Variants in SERPINA9 observed in about 807,000 individuals in gnomAD.
SERPINA9 encodes the protein serpin A9.
SERPINA9 carries 32 observed loss-of-function variants against 24.5 expected under a neutral mutation model. The ratio of observed to expected loss-of-function variants is 1.30; its 90% CI spans 0.98 to 1.75. The LOEUF (loss-of-function observed/expected upper bound fraction) is 1.75, where lower values mean the gene tolerates loss of function less well. Among genes scored for constraint, SERPINA9 ranks in the 40% most tolerant of loss-of-function variants. The pLI is 0.00. For missense variants in SERPINA9, 594 were observed against 497.1 expected, an observed-to-expected ratio of 1.19 and a Z score of -1.85; for synonymous variants, 233 against 197.7, an observed-to-expected ratio of 1.18 and a Z score of -1.50.
intron 3 of SERPINA9, among the ~76,000 whole-genome samples, chr14:94,465,870 T>G (rs1267163275): frequency 6.6e-6 from 1 of 152,144 alleles, no homozygotes; most frequent in Non-Finnish European, 1.5e-5. Flanking sequence ...TCAACAACAC[T>G]TCCCCCTTTT....
At position 94,467,150 on chromosome 14, in the gene SERPINA9, T is replaced by C. The variant is rs377034292; in HGVS notation, c.861A>G (p.Ser287=). Residue 287 remains serine, a synonymous_variant, in exon 3 of 5, where the codon TCA becomes TCG. Coordinates refer to ENST00000674397, the MANE Select transcript of SERPINA9 (RefSeq NM_175739.4). The part of the protein sequence containing the change: ...GKMRQLEQAL[S]ARTLRKWSHS... ...GGCTCCACTTTCTCAGTGTTCTGGC[T>C]GACAAGGCCTGTTCCAGTTGCCTCA... 2 of 1,614,084 alleles carry C rather than the reference T, an allele frequency of 1.2e-6. No individual in the cohort carries two copies. The highest frequency in any genetic ancestry group is 2.7e-5 in the African/African-American group (2 of 74,938).
chr14:94,475,995 A>G, intron 1 of SERPINA9, 141 bp downstream of exon 1: 1 of 1,325,294 alleles, frequency 7.5e-7, no homozygotes, highest in Non-Finnish European at 1.1e-6. Context: ...ATGCTACTAA[A>G]AGCCAACTAA....
chr14:94,466,861 C>CA (rs928893865), intron 3 of SERPINA9, among the ~76,000 whole-genome samples: 1 of 152,212 alleles, frequency 6.6e-6, no homozygotes, highest in African/African-American at 2.4e-5. Flanking sequence ...TGACCTTGGG[C>CA]AATTCACTTA....
chr14:94,474,684 G>C (rs1023348238), intron 1 of SERPINA9, among the ~76,000 whole-genome samples: 3 of 152,052 alleles, frequency 2.0e-5, no homozygotes, highest in East Asian at 3.9e-4. Context: ...GCTGTGGCCC[G>C]GGTTTATGTG....
intron 3 of SERPINA9, among the ~76,000 whole-genome samples, chr14:94,465,124 T>A (rs1453825913): frequency 6.6e-6 from 1 of 152,158 alleles, no homozygotes; most frequent in Non-Finnish European, 1.5e-5. Flanking sequence ...AGGGAGTCTA[T>A]GGCAGAAACC....
chr14:94,466,769 G>A (rs1043997879), intron 3 of SERPINA9, among the ~76,000 whole-genome samples: 8 of 152,078 alleles, frequency 5.3e-5, no homozygotes, highest in African/African-American at 1.9e-4. Flanking sequence ...GCTTTTGTTT[G>A]CTAGCTTTTA....
At chr14:94,475,725 C>A (rs1300185724) in intron 1 of SERPINA9, among the ~76,000 whole-genome samples, 1 of 152,162 alleles carries the variant, frequency 6.6e-6, no homozygotes, top group African/African-American at 2.4e-5. Context: ...TTAAACACTC[C>A]CTCTCAAGCT....
At position 94,464,851 on chromosome 14, in the gene SERPINA9, C is replaced by T; in HGVS notation, c.906G>A (p.Trp302Ter). The T allele has an allele frequency of 6.2e-7, 1 of 1,612,240 alleles. No individual in the cohort carries two copies. Among genetic ancestry groups the T allele is most frequent in the East Asian group, 2.2e-5 (1 of 44,852 alleles). Residue 302 changes from tryptophan to a stop codon, truncating the protein, a stop_gained, in exon 4 of 5, where the codon TGG (tryptophan) becomes TGA (stop). Coordinates refer to ENST00000674397, the MANE Select transcript of SERPINA9 (RefSeq NM_175739.4). LOFTEE classifies it high-confidence loss of function. ...AAAATCTGGGGATGAACACCTCTAT[C>T]CACCTGTGGAGTAGGGAAAAGGAAA... is the stretch of plus-strand genomic sequence containing the variant. ...RKWSHSLQKRWIEVFIPRFSI... is the reference protein window; with the variant it reads ...RKWSHSLQKR
intron 1 of SERPINA9, among the ~76,000 whole-genome samples, chr14:94,475,213 G>C (rs2139826643): frequency 6.6e-6 from 1 of 152,270 alleles, no homozygotes; most frequent in East Asian, 1.9e-4. Context: ...AGTGCTGCTG[G>C]AAGAGGGGTT....
Position 94,469,706 on chromosome 14 carries a change from A to G in SERPINA9, c.135T>C (p.Tyr45=), listed in dbSNP as rs1899211450. 5 of 1,608,146 alleles carry G rather than the reference A, an allele frequency of 3.1e-6. No individual in the cohort carries two copies. The South Asian group carries it at 5.5e-5, about 18-fold the overall frequency. Residue 45 remains tyrosine (Y), a synonymous_variant, in exon 2 of 5, where the codon TAT becomes TAC. Coordinates refer to ENST00000674397, the MANE Select transcript of SERPINA9 (RefSeq NM_175739.4). ...STKSTPASQV[Y]SLNTDFAFRL... ...GGAAGGCAAAGTCGGTGTTGAGGGA[A>G]TACACCTGTGAGGCAGGGGTGCTCT...
chr14:94,462,919 G>T lies in SERPINA9; in HGVS notation c.*174C>A. On this transcript the variant is annotated 3_prime_UTR_variant, in exon 5 of 5. Coordinates refer to ENST00000674397, the MANE Select transcript of SERPINA9 (RefSeq NM_175739.4). Reference sequence around the variant, plus strand: ...CACTGACTGGGGTTAATGGGTGTTGGCTTGTGACTGGGGTCCCTGTTGATG... The same window carrying T: ...CACTGACTGGGGTTAATGGGTGTTGTCTTGTGACTGGGGTCCCTGTTGATG... 1.6e-6 allele frequency: 1 copy of T among 614,554 alleles called. No individual in the cohort carries two copies. Among genetic ancestry groups the T allele is most frequent in the Non-Finnish European group, 2.9e-6 (1 of 342,626 alleles). 38.1% of individuals were successfully genotyped at this position (614,554 alleles called of 1,614,324 possible).
chr14:94,463,219 G>A lies in SERPINA9; in HGVS notation c.1128C>T (p.Val376=). The change falls in exon 5 of 5, where the codon GTC becomes GTT. Residue 376 remains valine (V), a synonymous_variant. Coordinates refer to ENST00000674397, the MANE Select transcript of SERPINA9 (RefSeq NM_175739.4). Reference sequence around the variant, plus strand: ...AGTAAGAGGGGCCATCCTTCGATCGGACTATGAACTTGGTGGTGGTAGCTG... The same window carrying A: ...AGTAAGAGGGGCCATCCTTCGATCGAACTATGAACTTGGTGGTGGTAGCTG... ...ATAATTTKFI[V]RSKDGPSYFT... is the part of the protein sequence containing the mutation. 1.2e-6 allele frequency: 2 copies of A among 1,614,184 alleles called. No homozygotes were observed. Among genetic ancestry groups the A allele is most frequent in the Non-Finnish European group, 1.7e-6 (2 of 1,180,006 alleles).
intron 1 of SERPINA9, among the ~76,000 whole-genome samples, chr14:94,471,051 G>A (rs1220686515): frequency 6.6e-6 from 1 of 152,108 alleles, no homozygotes; most frequent in Non-Finnish European, 1.5e-5. Flanking sequence ...CCGTCTGAAG[G>A]CTTTTCTCTT....
At chr14:94,463,935 A>G (rs1898864464) in intron 4 of SERPINA9, among the ~76,000 whole-genome samples, 2 of 152,216 alleles carry the variant, frequency 1.3e-5, no homozygotes, top group South Asian at 4.1e-4. Context: ...CTGAAAACCA[A>G]TGACAAAGGT....
chr14:94,464,080 G>A (rs1404763077), intron 4 of SERPINA9, among the ~76,000 whole-genome samples: 1 of 152,202 alleles, frequency 6.6e-6, no homozygotes, highest in African/African-American at 2.4e-5. Flanking sequence ...CTTCTTGTAA[G>A]AGCATGGGGT....
At chr14:94,465,454 A>T (rs1286441209) in intron 3 of SERPINA9, among the ~76,000 whole-genome samples, 2 of 152,170 alleles carry the variant, frequency 1.3e-5, no homozygotes, top group African/African-American at 4.8e-5. Flanking sequence ...GAACAGCACC[A>T]CCTGATAATT....
At chr14:94,472,104 C>G (rs1456732046) in intron 1 of SERPINA9, among the ~76,000 whole-genome samples, 5 of 152,096 alleles carry the variant, frequency 3.3e-5, no homozygotes. Flanking sequence ...AAAGAGTTCT[C>G]TGGGAACCCT....
intron 3 of SERPINA9, among the ~76,000 whole-genome samples, chr14:94,465,968 A>G (rs1424193024): frequency 6.6e-6 from 1 of 152,184 alleles, no homozygotes; most frequent in Non-Finnish European, 1.5e-5. Flanking sequence ...TATTGGATGG[A>G]CACATTTCAG....
intron 3 of SERPINA9, among the ~76,000 whole-genome samples, 191 bp from the exon 4 acceptor site, chr14:94,465,045 A>C (rs1207592416): frequency 6.6e-6 from 1 of 152,230 alleles, no homozygotes; most frequent in African/African-American, 2.4e-5. Context: ...CAGGTCCAGC[A>C]CTAAAAACAT....
Sources: gnomAD v4.1 joint callset for allele counts (sites outside exome capture counted in the v4.1 genomes callset) on GRCh38, gnomAD v4.1.1 for gene constraint, MANE v1.5 for transcripts, NCBI Gene and HGNC (gene_info 2026-07-23, HGNC 2026-07-21) for gene names.